CPEB1: variants seen among roughly 807,000 people sequenced by gnomAD.
CPEB1 encodes cytoplasmic polyadenylation element-binding protein 1.
Under a neutral mutation model 65.8 loss-of-function variants are expected in CPEB1, and 7 were observed. The observed-to-expected ratio is 0.11, with a 90% CI of 0.06 to 0.20. The LOEUF is 0.20. CPEB1 is among the 10% of genes least tolerant of loss of function. CPEB1 has a pLI of 1.00. For missense variants in CPEB1, 551 were observed against 712.2 expected (o/e 0.77, Z 2.58); for synonymous variants, 262 against 260.0 (o/e 1.01, Z -0.08).
intron 10 of CPEB1, among the ~76,000 whole-genome samples, chr15:82,547,775 C>A (rs774181226): frequency 1.3e-5 from 2 of 152,020 alleles, no homozygotes; most frequent in African/African-American, 2.4e-5. Context: ...CAGGCTCAAA[C>A]AATCTCCTGC....
At chr15:82,628,169 T>A (rs958274616) in intron 2 of CPEB1, 195 bp downstream of exon 2, 3 of 698,714 alleles carry the variant, frequency 4.3e-6, no homozygotes, top group Non-Finnish European at 7.8e-6. Context: ...TACAGAAAAA[T>A]CCATGAAAGC....
chr15:82,572,941 G>C, intron 3 of CPEB1: 1 of 1,253,264 alleles, frequency 8.0e-7, no homozygotes, highest in East Asian at 2.8e-5. Flanking sequence ...CATGAGCCCA[G>C]GGTCACTGGG....
intron 5 of CPEB1, 136 bp from the exon 6 acceptor site, chr15:82,556,258 G>T: frequency 9.6e-7 from 1 of 1,037,158 alleles, no homozygotes; most frequent in Non-Finnish European, 1.3e-6. Context: ...TTCTTCCTGA[G>T]CAATTTTGAT....
chr15:82,578,999 C>CTT (rs1270397373), intron 3 of CPEB1, among the ~76,000 whole-genome samples: 39 of 152,042 alleles, frequency 2.6e-4, no homozygotes, highest in East Asian at 3.9e-4. Flanking sequence ...AATTTTTGAA[C>CTT]TTTAGTAGAG....
chr15:82,576,843 C>A (rs1047852729), intron 3 of CPEB1, among the ~76,000 whole-genome samples: 1 of 152,002 alleles, frequency 6.6e-6, no homozygotes, highest in East Asian at 1.9e-4. Context: ...GGCAACATGG[C>A]AAAACCCCGT....
intron 3 of CPEB1, among the ~76,000 whole-genome samples, chr15:82,602,990 G>T (rs931410689): frequency 2.6e-5 from 4 of 152,188 alleles, no homozygotes; most frequent in Non-Finnish European, 5.9e-5. Context: ...AACTTTGTCA[G>T]AACTCTGGAA....
chr15:82,624,229 A>G (rs1208036441), intron 3 of CPEB1, among the ~76,000 whole-genome samples: 1 of 152,166 alleles, frequency 6.6e-6, no homozygotes, highest in Non-Finnish European at 1.5e-5. Context: ...TCACAAGTGG[A>G]AAGCAGAGAG....
Position 82,572,956 on chromosome 15 carries a change from T to C in CPEB1, c.272-1424A>G, listed in dbSNP as rs531422070. The C allele has an allele frequency of 2.8e-5, 37 of 1,342,248 alleles. No homozygotes were observed. In the African/African-American group the frequency reaches 4.7e-4, roughly 17 times the overall value. The allele number at this position is 1,342,248 out of a possible 1,614,324, so 83.1% of individuals were successfully genotyped here. ...CATGAGCCCAGGGTCACTGGGCTTC[T>C]TCCTCATAAAGGAGGGTAGGGCAAC... On this transcript the variant is annotated intron_variant, in intron 3 of 12. Coordinates refer to ENST00000684509, the MANE Select transcript of CPEB1 (RefSeq NM_001365242.1).
chr15:82,544,404 C>G lies in CPEB1; in HGVS notation c.*188G>C, dbSNP rs1333655026. 2.5e-6 allele frequency: 1 copy of G among 402,588 alleles called. No individual in the cohort carries two copies. The highest frequency in any genetic ancestry group is 2.2e-5 in the African/African-American group (1 of 46,488). 24.9% of individuals were successfully genotyped at this position (402,588 alleles called of 1,614,324 possible). ...CTTGGTACACCCCCTGAAAACAAAA[C>G]CTGACAAAACTCAATGTGCATTAAT... On this transcript the variant is annotated 3_prime_UTR_variant, in exon 13 of 13. Coordinates refer to ENST00000684509, the MANE Select transcript of CPEB1 (RefSeq NM_001365242.1).
intron 3 of CPEB1, among the ~76,000 whole-genome samples, chr15:82,620,121 T>C (rs988088653): frequency 2.0e-5 from 3 of 152,056 alleles, no homozygotes; most frequent in African/African-American, 7.2e-5. Context: ...AAAGAGTACA[T>C]ATCTGGGCCG....
chr15:82,635,015 A>C (rs1347690824), intron 1 of CPEB1, among the ~76,000 whole-genome samples: 1 of 152,022 alleles, frequency 6.6e-6, no homozygotes, highest in Non-Finnish European at 1.5e-5. Context: ...CACCACACCC[A>C]GCTAATTTTT....
At chr15:82,609,720 G>T (rs1050165018) in intron 3 of CPEB1, among the ~76,000 whole-genome samples, 2 of 151,174 alleles carry the variant, frequency 1.3e-5, no homozygotes, top group Non-Finnish European at 2.9e-5. Flanking sequence ...AAGAAGAAAT[G>T]AAAGTGGGTA....
intron 3 of CPEB1, among the ~76,000 whole-genome samples, chr15:82,586,283 T>C (rs1008555082): frequency 2.0e-5 from 3 of 151,422 alleles, no homozygotes; most frequent in Non-Finnish European, 2.9e-5. Flanking sequence ...TTTCAGTTTA[T>C]ATCCTTTGCC....
At chr15:82,648,103 G>A (rs959206299), upstream of CPEB1, 2 of 367,666 alleles carry the variant, frequency 5.4e-6, no homozygotes, top group Non-Finnish European at 9.7e-6. Flanking sequence ...GCCCCTCCTA[G>A]CAGGCCGAGC....
Position 82,555,944 on chromosome 15 carries a change from G to C in CPEB1, c.866C>G (p.Ser289Cys). 2 of 1,613,660 alleles carry C rather than the reference G, an allele frequency of 1.2e-6. No individual in the cohort carries two copies. The highest frequency in any genetic ancestry group is 1.3e-5 in the African/African-American group (1 of 75,006). The change falls in exon 6 of 13, where the codon TCC becomes TGC. Residue 289 changes from serine (S) to cysteine (C), a missense_variant. By Grantham distance (112) the Ser-to-Cys change is moderately radical. Transcript: ENST00000684509. ...TTTGGGAGCTTCGAGGAGGTCCCAG[G>C]ATGGCCACACAGAAGCTCCTGGCCA... ...KRWPGASVWP[S>C]WDLLEAPKDP...
At chr15:82,595,930 T>C (rs1466868346) in intron 3 of CPEB1, among the ~76,000 whole-genome samples, 1 of 152,156 alleles carries the variant, frequency 6.6e-6, no homozygotes, top group Non-Finnish European at 1.5e-5. Flanking sequence ...TCTGCTCAAG[T>C]CTCTAGCTAT....
chr15:82,573,238 T>C, intron 3 of CPEB1: 1 of 1,366,716 alleles, frequency 7.3e-7, no homozygotes, highest in Non-Finnish European at 9.6e-7. Flanking sequence ...TTGGAGATTT[T>C]TTTTTTTTTT....
intron 3 of CPEB1, among the ~76,000 whole-genome samples, chr15:82,596,407 T>C (rs1238934855): frequency 6.6e-6 from 1 of 152,170 alleles, no homozygotes; most frequent in African/African-American, 2.4e-5. Context: ...AAAAAGTTCA[T>C]TAAAATGTTC....
intron 3 of CPEB1, among the ~76,000 whole-genome samples, chr15:82,623,453 G>C (rs563571735): frequency 6.6e-6 from 1 of 152,216 alleles, no homozygotes; most frequent in Non-Finnish European, 1.5e-5. Flanking sequence ...CAAGGCAGGT[G>C]GATCACTTGA....
Sources: allele counts gnomAD v4.1 joint callset (sites outside exome capture counted in the v4.1 genomes callset), GRCh38; gene constraint gnomAD v4.1.1; transcripts MANE v1.5; gene names NCBI Gene and HGNC (gene_info 2026-07-23, HGNC 2026-07-21).